ACTR3C: variants seen among roughly 807,000 people sequenced by gnomAD.
ACTR3C encodes actin-related protein 3C.
ACTR3C carries 18 observed loss-of-function variants against 26.3 expected under a neutral mutation model. The observed-to-expected ratio is 0.68, with a 90% CI of 0.47 to 1.01. The LOEUF is 1.01. ACTR3C is among the 50% of genes least tolerant of loss of function. The pLI is 0.00. For synonymous variants in ACTR3C, 55 were observed against 94.5 expected, an observed-to-expected ratio of 0.58 and a Z score of 2.42; for missense variants, 184 against 250.7, an observed-to-expected ratio of 0.73 and a Z score of 1.80.
chr7:150,198,089 G>A, the ACTR3C span, among the ~76,000 whole-genome samples: 6 of 151,486 alleles, frequency 4.0e-5, no homozygotes, highest in East Asian at 5.8e-4. Context: ...CGAGTGATCC[G>A]CCAGCCTTGG....
At chr7:150,173,590 C>A in the ACTR3C span, among the ~76,000 whole-genome samples, 2 of 148,708 alleles carry the variant, frequency 1.3e-5, no homozygotes, top group Admixed American at 1.3e-4. Flanking sequence ...ACATTTTCCC[C>A]ATTGTCCTGG....
the ACTR3C span, among the ~76,000 whole-genome samples, chr7:150,005,467 A>G: frequency 6.6e-6 from 1 of 151,946 alleles, no homozygotes; most frequent in Non-Finnish European, 1.5e-5. Flanking sequence ...TGGACAGTTT[A>G]TAAAAGCTGC....
At chr7:150,209,330 G>C in the ACTR3C span, among the ~76,000 whole-genome samples, 1 of 148,044 alleles carries the variant, frequency 6.8e-6, no homozygotes, top group Non-Finnish European at 1.5e-5. Flanking sequence ...GAGAGAGAGA[G>C]AGAAGTGGAA....
the ACTR3C span, among the ~76,000 whole-genome samples, chr7:150,129,147 A>G: frequency 0.054 from 8,237 of 151,166 alleles, 117 homozygotes; most frequent in Non-Finnish European, 0.084. Context: ...CTAAATAATC[A>G]CACGTCAAAA....
At chr7:150,042,160 T>A in the ACTR3C span, among the ~76,000 whole-genome samples, 5 of 28,388 alleles carry the variant, frequency 1.8e-4, no homozygotes, top group African/African-American at 5.6e-4. Flanking sequence ...AGGGGCTGGC[T>A]CTCAGTCCCT....
At chr7:150,302,199 G>T (rs1007950835) in intron 1 of ACTR3C, among the ~76,000 whole-genome samples, 33 of 152,226 alleles carry the variant, frequency 2.2e-4, no homozygotes, top group African/African-American at 8.0e-4. Context: ...TATCAAAAAT[G>T]CAAATGTAAA....
chr7:150,255,192 C>A (rs547691645), intron 6 of ACTR3C, among the ~76,000 whole-genome samples: 1 of 146,646 alleles, frequency 6.8e-6, no homozygotes, highest in South Asian at 2.2e-4. Flanking sequence ...CTTGCTGGGG[C>A]GAAGATGCTT....
the ACTR3C span, among the ~76,000 whole-genome samples, chr7:150,222,863 T>G: frequency 6.6e-6 from 1 of 152,282 alleles, no homozygotes. Flanking sequence ...AGCAATTTTT[T>G]CTTCCATGGC....
At chr7:149,956,066 T>A in the ACTR3C span, among the ~76,000 whole-genome samples, 15 of 152,328 alleles carry the variant, frequency 9.8e-5, no homozygotes, top group Middle Eastern at 0.01. Flanking sequence ...ATTTATATCC[T>A]CCCTACTTCC....
the ACTR3C span, among the ~76,000 whole-genome samples, chr7:149,961,068 G>T: frequency 4.0e-5 from 6 of 151,736 alleles, no homozygotes; most frequent in African/African-American, 1.2e-4. Context: ...AGGAAGCATG[G>T]GCTCACAGAA....
chr7:149,915,008 T>C, the ACTR3C span, among the ~76,000 whole-genome samples: 1 of 151,872 alleles, frequency 6.6e-6, no homozygotes, highest in East Asian at 1.9e-4. Flanking sequence ...GCCTCCTGAG[T>C]AGCTGGGACT....
intron 3 of ACTR3C, among the ~76,000 whole-genome samples, chr7:150,291,567 G>A (rs983797009): frequency 2.0e-5 from 3 of 152,154 alleles, no homozygotes; most frequent in Non-Finnish European, 4.4e-5. Flanking sequence ...AATTTTTATA[G>A]CTGGAGGAAA....
At chr7:150,135,794 C>T in the ACTR3C span, among the ~76,000 whole-genome samples, 8 of 76,976 alleles carry the variant, frequency 1.0e-4, no homozygotes, top group Middle Eastern at 6.8e-3. Flanking sequence ...AGAAAGGAAA[C>T]GAAACGAAAG....
chr7:149,925,773 A>G, the ACTR3C span, among the ~76,000 whole-genome samples: 1 of 152,056 alleles, frequency 6.6e-6, no homozygotes, highest in Admixed American at 6.6e-5. Context: ...AAGAAAAAAA[A>G]CCTACCAGCT....
chr7:149,978,123 A>G, the ACTR3C span, among the ~76,000 whole-genome samples: 1 of 152,034 alleles, frequency 6.6e-6, no homozygotes, highest in African/African-American at 2.4e-5. Context: ...CACTTCTGCC[A>G]TAGCCCTTCA....
rs796219631 is a variant in ACTR3C, at chr7:150,272,245, G to A, written c.564+12508C>T. 1.4e-3 allele frequency among the ~76,000 whole-genome samples: 186 copies of A among 131,604 alleles called. 11 individuals are homozygous for A. Among genetic ancestry groups the A allele is most frequent in the African/African-American group, 5.3e-3 (155 of 29,274 alleles). The allele number at this position is 131,604 out of a possible 152,430, so 86.3% of individuals were successfully genotyped here. On this transcript the variant is annotated intron_variant, in intron 6 of 7. Coordinates refer to ENST00000683684, the MANE Select transcript of ACTR3C (RefSeq NM_001164458.2). ...ATGTATTCAGCAGGAGTCTTGATGG[G>A]AGATTAAACACAAGGAGACGTCCCC... is the stretch of plus-strand genomic sequence containing the variant.
chr7:150,021,058 C>A, the ACTR3C span, among the ~76,000 whole-genome samples: 582 of 151,962 alleles, frequency 3.8e-3, 9 homozygotes, highest in African/African-American at 0.013. Flanking sequence ...TGACCTCAGG[C>A]GATCCACCTG....
intron 5 of ACTR3C, among the ~76,000 whole-genome samples, chr7:150,285,091 G>A (rs1024259723): frequency 2.6e-5 from 4 of 152,136 alleles, no homozygotes; most frequent in Admixed American, 6.5e-5. Context: ...CAACATCACA[G>A]ACAGACCACC....
At chr7:150,228,215 G>A in the ACTR3C span, among the ~76,000 whole-genome samples, 1 of 152,126 alleles carries the variant, frequency 6.6e-6, no homozygotes, top group African/African-American at 2.4e-5. Context: ...CATAGTTCCT[G>A]TTCACATTTG....
Sources: gnomAD v4.1 joint callset for allele counts (sites outside exome capture counted in the v4.1 genomes callset) on GRCh38, gnomAD v4.1.1 for gene constraint, MANE v1.5 for transcripts, NCBI Gene and HGNC (gene_info 2026-07-23, HGNC 2026-07-21) for gene names.